ST6GAL1: variants seen among roughly 807,000 people sequenced by gnomAD.
ST6GAL1 encodes the protein ST6 beta-galactoside alpha-2,6-sialyltransferase 1, also known as beta-galactoside alpha-2,6-sialyltransferase 1.
A neutral mutation model predicts 38.0 loss-of-function variants in ST6GAL1; 20 were observed. The ratio of observed to expected loss-of-function variants is 0.53; its 90% CI spans 0.37 to 0.77. The LOEUF is 0.77. Among genes scored for constraint, ST6GAL1 ranks in the 30% least tolerant of loss-of-function variants. The pLI, the probability that ST6GAL1 is intolerant of heterozygous loss-of-function variation, is 0.00. For synonymous variants in ST6GAL1, 196 were observed against 188.2 expected, an observed-to-expected ratio of 1.04 and a Z score of -0.34; for missense variants, 432 against 496.4, an observed-to-expected ratio of 0.87 and a Z score of 1.23.
chr3:187,070,666 AC>A (rs1263012292), intron 5 of ST6GAL1, among the ~76,000 whole-genome samples: 1 of 151,006 alleles, frequency 6.6e-6, no homozygotes, highest in African/African-American at 2.4e-5. Flanking sequence ...CTTGTGATCC[AC>A]CCGCCTCGGC....
At position 186,934,744 on chromosome 3, in the gene ST6GAL1, A is replaced by ATTTTT. The variant is rs1560133268; in HGVS notation, c.-325+3910_-325+3911insTTTTT. 6.9e-3 allele frequency among the ~76,000 whole-genome samples: 459 copies of ATTTTT among 66,376 alleles called. 1 individual carries two copies. The highest frequency in any genetic ancestry group is 0.021 in the African/African-American group (425 of 20,362). 43.5% of individuals were successfully genotyped at this position (66,376 alleles called of 152,430 possible). A position where few individuals can be genotyped will look rare whatever the true frequency, so the allele number is the denominator to read the frequency against. On this transcript the variant is annotated intron_variant, in intron 1 of 7. Transcript: ENST00000169298. ...CTTGAGTGCTTACCAGCTTTTAAAA[A>ATTTTT]ATTTTATTTATTTATGTATTTATTT...
chr3:187,068,495 T>G (rs1412466776), intron 5 of ST6GAL1, among the ~76,000 whole-genome samples: 4 of 152,226 alleles, frequency 2.6e-5, no homozygotes, highest in Non-Finnish European at 5.9e-5. Context: ...TAACACTTAC[T>G]TCCTAGGGCT....
chr3:186,987,190 G>GGGAGGGAA (rs1364687286), intron 2 of ST6GAL1, among the ~76,000 whole-genome samples: 98 of 120,852 alleles, frequency 8.1e-4, no homozygotes, highest in African/African-American at 9.6e-4. Context: ...CAGGGAGGGA[G>GGGAGGGAA]GGAGGGAGGG....
chr3:187,018,911 G>C (rs1269414290), intron 2 of ST6GAL1, among the ~76,000 whole-genome samples: 1 of 152,188 alleles, frequency 6.6e-6, no homozygotes, highest in Non-Finnish European at 1.5e-5. Context: ...CCAGACACTT[G>C]AGTATCTCGA....
intron 2 of ST6GAL1, among the ~76,000 whole-genome samples, chr3:186,981,170 T>G (rs1386982281): frequency 6.6e-6 from 1 of 152,212 alleles, no homozygotes; most frequent in African/African-American, 2.4e-5. Context: ...TGGACAGCAC[T>G]CAGAACCAGA....
intron 2 of ST6GAL1, among the ~76,000 whole-genome samples, chr3:186,974,464 A>G (rs1159898251): frequency 3.3e-5 from 5 of 152,098 alleles, no homozygotes; most frequent in Admixed American, 2.6e-4. Context: ...TTTAAAGACA[A>G]CTTTATTGAG....
chr3:186,974,115 A>T (rs2108533474), intron 2 of ST6GAL1, among the ~76,000 whole-genome samples: 1 of 152,212 alleles, frequency 6.6e-6, no homozygotes, highest in Non-Finnish European at 1.5e-5. Context: ...CTGGGGTTTG[A>T]CTCTCTAGCT....
chr3:186,992,789 CTG>C (rs1716221644), intron 2 of ST6GAL1, among the ~76,000 whole-genome samples: 1 of 148,452 alleles, frequency 6.7e-6, no homozygotes, highest in African/African-American at 2.5e-5. Context: ...GAGTGAGACT[CTG>C]TCTCAAAAAC....
chr3:187,050,560 G>GA (rs371144529), intron 4 of ST6GAL1, among the ~76,000 whole-genome samples: 15 of 149,706 alleles, frequency 1.0e-4, no homozygotes, highest in South Asian at 8.6e-4. Context: ...GAGAGAGAGA[G>GA]GGAGGGAGGG....
Position 187,061,818 on chromosome 3 carries a change from C to T in ST6GAL1, c.705+10472C>T, listed in dbSNP as rs556053463. ...ATGACATCAGATTTGGCAATGATTT[C>T]GTCATTATTACACCAAAGGCATACA... is the stretch of plus-strand genomic sequence containing the variant. On this transcript the variant is annotated intron_variant, in intron 5 of 7. Transcript: ENST00000169298. Among the ~76,000 whole-genome samples the T allele has an allele frequency of 1.8e-4, 27 of 152,068 alleles. No homozygotes were observed. The South Asian group carries it at 5.0e-3, about 28-fold the overall frequency.
intron 5 of ST6GAL1, 24 bp downstream of exon 5, chr3:187,051,370 T>A (rs1189746878): frequency 6.2e-7 from 1 of 1,608,532 alleles, no homozygotes; most frequent in Non-Finnish European, 8.5e-7. Flanking sequence ...TGTGCAGCTA[T>A]GGAGTAAGAG....
At chr3:186,974,957 A>T (rs1384831910) in intron 2 of ST6GAL1, 3 of 152,246 alleles carry the variant, frequency 2.0e-5, no homozygotes, top group Non-Finnish European at 4.4e-5. Flanking sequence ...ATTGCAGTGA[A>T]TTATTGACTG....
intron 1 of ST6GAL1, among the ~76,000 whole-genome samples, chr3:186,949,236 AT>A (rs1714492644): frequency 1.3e-5 from 2 of 152,202 alleles, no homozygotes; most frequent in Non-Finnish European, 2.9e-5. Flanking sequence ...AACCAGGGTC[AT>A]AGGAATTTGT....
chr3:186,979,643 A>T (rs550553906), intron 2 of ST6GAL1, among the ~76,000 whole-genome samples: 1 of 152,184 alleles, frequency 6.6e-6, no homozygotes, highest in African/African-American at 2.4e-5. Context: ...GCTCCTAAGA[A>T]TGCAACGTGA....
rs1719589178 is a variant in ST6GAL1 at position 187,077,068 on chromosome 3, G to C, written c.*1265G>C. 2.5e-6 allele frequency: 1 copy of C among 398,520 alleles called. No homozygotes were observed. The highest frequency in any genetic ancestry group is 2.1e-5 in the African/African-American group (1 of 48,654). The allele number at this position is 398,520 out of a possible 1,614,324, so 24.7% of individuals were successfully genotyped here. ...CCTTTTGCTGAAGGTCTCTCAGGGT[G>C]TAGTGGTGTGGCTCTCTGGACTTAA... On this transcript the variant is annotated 3_prime_UTR_variant, in exon 8 of 8. Coordinates refer to ENST00000169298, the MANE Select transcript of ST6GAL1 (RefSeq NM_173216.2).
chr3:187,043,292 C>T lies in ST6GAL1; in HGVS notation c.589C>T (p.Gln197Ter), dbSNP rs1218753084. ...GTCAGCGGGATCTCTGAAGTCCTCC[C>T]AACTAGGCAGAGAAATCGGTATGTT... ...VSSAGSLKSS[Q>*]LGREIDDHDA... Residue 197 changes from glutamine to a stop codon, truncating the protein, a stop_gained, in exon 4 of 8, where the codon CAA becomes TAA. Coordinates refer to ENST00000169298, the MANE Select transcript of ST6GAL1 (RefSeq NM_173216.2). LOFTEE classifies it high-confidence loss of function. 1.9e-6 allele frequency: 3 copies of T among 1,613,610 alleles called. No homozygotes were observed. The highest frequency in any genetic ancestry group is 2.5e-6 in the Non-Finnish European group (3 of 1,179,804).
chr3:186,988,340 G>C (rs906251109), intron 2 of ST6GAL1, among the ~76,000 whole-genome samples: 2 of 151,998 alleles, frequency 1.3e-5, no homozygotes, highest in Non-Finnish European at 2.9e-5. Flanking sequence ...TCTAACCTGT[G>C]ATTTAGATTA....
At chr3:186,931,155 G>C (rs1300091612) in intron 1 of ST6GAL1, 1 of 16,354 alleles carries the variant, frequency 6.1e-5, no homozygotes, top group African/African-American at 2.2e-4. Context: ...ATGGGGTGGG[G>C]TGGCGTGGGG....
At chr3:187,011,180 G>T (rs752925727) in intron 2 of ST6GAL1, among the ~76,000 whole-genome samples, 4 of 152,204 alleles carry the variant, frequency 2.6e-5, no homozygotes, top group Middle Eastern at 3.4e-3. Context: ...TGTATTTTTA[G>T]TAGGGATAGG....
Sources: gnomAD v4.1 joint callset for allele counts (sites outside exome capture counted in the v4.1 genomes callset) on GRCh38, gnomAD v4.1.1 for gene constraint, MANE v1.5 for transcripts, NCBI Gene and HGNC (gene_info 2026-07-23, HGNC 2026-07-21) for gene names.